The following TANC2 variants were observed in gnomAD, a reference collection of about 807,000 sequenced individuals.
The protein encoded by TANC2 is protein TANC2.
TANC2 carries 26 observed loss-of-function variants against 210.5 expected under a neutral mutation model. The ratio of observed to expected loss-of-function variants is 0.12; its 90% CI spans 0.09 to 0.17. The LOEUF is 0.17. Ranked by LOEUF, TANC2 falls within the 10% of genes least tolerant of loss-of-function variation. The pLI is 1.00. For synonymous variants in TANC2, 931 were observed against 967.1 expected, an observed-to-expected ratio of 0.96 and a Z score of 0.69; for missense variants, 2,129 against 2,608.9, an observed-to-expected ratio of 0.82 and a Z score of 4.01.
intron 5 of TANC2, among the ~76,000 whole-genome samples, chr17:63,167,250 T>C (rs1346675961): frequency 1.3e-5 from 2 of 152,152 alleles, no homozygotes; most frequent in Non-Finnish European, 2.9e-5. Context: ...CCTCATAGCA[T>C]TGTCATGAGA....
intron 7 of TANC2, among the ~76,000 whole-genome samples, chr17:63,215,767 T>C (rs1310404187): frequency 6.6e-6 from 1 of 151,850 alleles, no homozygotes; most frequent in African/African-American, 2.4e-5. Flanking sequence ...TTTTTTTTTC[T>C]GAGACGGAGT....
intron 17 of TANC2, chr17:63,390,630 T>A (rs1287286143): frequency 6.6e-6 from 1 of 152,162 alleles, no homozygotes; most frequent in Admixed American, 6.5e-5. Context: ...CTCAGCTTTA[T>A]TTTTTTCCTA....
At chr17:63,037,914 GT>G (rs2035037309) in intron 2 of TANC2, among the ~76,000 whole-genome samples, 1 of 151,808 alleles carries the variant, frequency 6.6e-6, no homozygotes, top group South Asian at 2.1e-4. Flanking sequence ...TTTTGTTTTT[GT>G]TTTTTAGTAG....
At chr17:63,144,666 A>C (rs2039405638) in intron 4 of TANC2, among the ~76,000 whole-genome samples, 1 of 152,212 alleles carries the variant, frequency 6.6e-6, no homozygotes, top group Non-Finnish European at 1.5e-5. Context: ...TGAGAGGTTT[A>C]TAAAACATGT....
intron 7 of TANC2, among the ~76,000 whole-genome samples, chr17:63,208,052 G>T (rs574498790): frequency 6.6e-6 from 1 of 152,040 alleles, no homozygotes; most frequent in South Asian, 2.1e-4. Context: ...TCAAGTTTTT[G>T]CTCATTTCCT....
intron 17 of TANC2, among the ~76,000 whole-genome samples, chr17:63,392,760 C>T (rs1221871179): frequency 6.6e-6 from 1 of 152,158 alleles, no homozygotes; most frequent in Admixed American, 6.5e-5. Context: ...GATCATTACA[C>T]ATTGCATACA....
At chr17:63,220,748 A>ATG (rs1567826773) in intron 7 of TANC2, among the ~76,000 whole-genome samples, 1 of 146,924 alleles carries the variant, frequency 6.8e-6, no homozygotes, top group Non-Finnish European at 1.5e-5. Flanking sequence ...GTATATATAT[A>ATG]TGTGTATATA....
intron 7 of TANC2, among the ~76,000 whole-genome samples, chr17:63,206,957 G>A (rs1267407364): frequency 6.6e-6 from 1 of 151,934 alleles, no homozygotes; most frequent in East Asian, 1.9e-4. Flanking sequence ...TAAGAATATA[G>A]CAAATACCTG....
chr17:63,048,893 C>G (rs1250516949), intron 2 of TANC2, among the ~76,000 whole-genome samples: 2 of 151,932 alleles, frequency 1.3e-5, no homozygotes, highest in African/African-American at 4.8e-5. Context: ...TACAGGAAAC[C>G]CCTGTGATAC....
chr17:63,206,958 C>G (rs1001833329), intron 7 of TANC2, among the ~76,000 whole-genome samples: 8 of 151,972 alleles, frequency 5.3e-5, no homozygotes, highest in African/African-American at 1.9e-4. Context: ...AAGAATATAG[C>G]AAATACCTGA....
intron 4 of TANC2, among the ~76,000 whole-genome samples, chr17:63,140,287 A>G (rs1413437497): frequency 2.0e-5 from 3 of 152,200 alleles, no homozygotes; most frequent in East Asian, 1.9e-4. Flanking sequence ...TTTTGTAGCA[A>G]TTTCATTAGT....
At chr17:63,367,015 C>A (rs1567957727) in intron 14 of TANC2, among the ~76,000 whole-genome samples, 1 of 152,226 alleles carries the variant, frequency 6.6e-6, no homozygotes, top group East Asian at 1.9e-4. Flanking sequence ...GATTGTTAAC[C>A]TATTCTTAAT....
chr17:63,299,096 A>G (rs2044627521), intron 9 of TANC2, among the ~76,000 whole-genome samples: 1 of 152,186 alleles, frequency 6.6e-6, no homozygotes, highest in Non-Finnish European at 1.5e-5. Context: ...TGTAAAGGAC[A>G]TGATCTCATT....
intron 2 of TANC2, among the ~76,000 whole-genome samples, chr17:63,059,125 A>AT (rs756203763): frequency 1.5e-4 from 22 of 151,576 alleles, no homozygotes; most frequent in Non-Finnish European, 2.9e-4. Flanking sequence ...TTGGGAATTA[A>AT]TTTTTTTATG....
intron 1 of TANC2, among the ~76,000 whole-genome samples, chr17:62,990,667 T>G (rs2032815544): frequency 6.6e-6 from 1 of 152,056 alleles, no homozygotes; most frequent in African/African-American, 2.4e-5. Flanking sequence ...AATATAGAAG[T>G]CAAAATATAA....
At chr17:63,305,031 G>A (rs183145265) in intron 9 of TANC2, among the ~76,000 whole-genome samples, 5 of 152,312 alleles carry the variant, frequency 3.3e-5, no homozygotes, top group Admixed American at 3.3e-4. Flanking sequence ...CCTATTGTTC[G>A]CTGTTGCCCC....
At chr17:63,280,891 C>T (rs2044039109) in intron 9 of TANC2, among the ~76,000 whole-genome samples, 2 of 152,026 alleles carry the variant, frequency 1.3e-5, no homozygotes, top group African/African-American at 4.8e-5. Context: ...TAAAAATATT[C>T]CTCTCAGAGT....
At chr17:63,010,604 T>A (rs1252701550) in intron 2 of TANC2, among the ~76,000 whole-genome samples, 1 of 152,088 alleles carries the variant, frequency 6.6e-6, no homozygotes, top group African/African-American at 2.4e-5. Context: ...CCTACAAGAC[T>A]GCTTTCCACT....
chr17:63,015,005 T>C (rs938727152), intron 2 of TANC2, among the ~76,000 whole-genome samples: 17 of 152,212 alleles, frequency 1.1e-4, no homozygotes, highest in African/African-American at 4.1e-4. Flanking sequence ...TGGAAAGATA[T>C]CATTAGTGTT....
Sources: allele counts gnomAD v4.1 joint callset (sites outside exome capture counted in the v4.1 genomes callset), GRCh38; gene constraint gnomAD v4.1.1; transcripts MANE v1.5; gene names NCBI Gene and HGNC (gene_info 2026-07-23, HGNC 2026-07-21).